Variants in TNIK observed in about 807,000 individuals in gnomAD.
TNIK encodes the protein TRAF2 and NCK-interacting protein kinase.
Under a neutral mutation model 191.3 loss-of-function variants are expected in TNIK, and 49 were observed. The ratio of observed to expected loss-of-function variants is 0.26; its 90% CI spans 0.20 to 0.32. The LOEUF (loss-of-function observed/expected upper bound fraction) is 0.32. Ranked by LOEUF, TNIK falls within the 10% of genes least tolerant of loss-of-function variation. The pLI is 1.00. For missense variants in TNIK, 1,155 were observed against 1,702.3 expected, an observed-to-expected ratio of 0.68 and a Z score of 5.66; for synonymous variants, 594 against 600.9, an observed-to-expected ratio of 0.99 and a Z score of 0.17.
At chr3:171,362,144 C>T (rs978286150) in intron 2 of TNIK, among the ~76,000 whole-genome samples, 2 of 152,156 alleles carry the variant, frequency 1.3e-5, no homozygotes, top group African/African-American at 4.8e-5. Context: ...TTTCACCCCA[C>T]CAAAGTTCCA....
chr3:171,324,910 A>G (rs1460325694), intron 2 of TNIK, among the ~76,000 whole-genome samples: 1 of 151,884 alleles, frequency 6.6e-6, no homozygotes, highest in Non-Finnish European at 1.5e-5. Flanking sequence ...CATCCTGGCT[A>G]ACATGGTGAA....
intron 2 of TNIK, among the ~76,000 whole-genome samples, chr3:171,330,013 C>A (rs184621088): frequency 1.1e-4 from 16 of 152,196 alleles, no homozygotes; most frequent in Non-Finnish European, 1.6e-4. Flanking sequence ...TGAAGGAAAG[C>A]GGTTTTTAAT....
At chr3:171,114,000 A>AG (rs1726291938) in intron 18 of TNIK, among the ~76,000 whole-genome samples, 1 of 7,102 alleles carries the variant, frequency 1.4e-4, no homozygotes, top group African/African-American at 5.4e-4. Flanking sequence ...GATTTTGTTA[A>AG]AAAAAAAAAA....
intron 16 of TNIK, 35 bp from the exon 17 acceptor site, chr3:171,126,186 A>T: frequency 6.6e-7 from 1 of 1,504,810 alleles, no homozygotes; most frequent in East Asian, 2.3e-5. Flanking sequence ...CAGCACTATT[A>T]GAAGAAAAAA....
intron 1 of TNIK, among the ~76,000 whole-genome samples, chr3:171,417,906 G>A (rs931398209): frequency 7.2e-5 from 11 of 152,106 alleles, no homozygotes; most frequent in African/African-American, 1.4e-4. Flanking sequence ...AACAATATAC[G>A]AAGCATCTTT....
At chr3:171,209,717 T>C (rs1740548794) in intron 4 of TNIK, among the ~76,000 whole-genome samples, 1 of 152,328 alleles carries the variant, frequency 6.6e-6, no homozygotes, top group Middle Eastern at 3.4e-3. Flanking sequence ...AATTTTTCTT[T>C]TAAATTTGGA....
chr3:171,347,158 T>C (rs1369090706), intron 2 of TNIK: 1 of 1,521,350 alleles, frequency 6.6e-7, no homozygotes, highest in Non-Finnish European at 8.8e-7. Context: ...GATGATGTCA[T>C]GGGTGACTCC....
chr3:171,069,032 C>G, intron 29 of TNIK, 35 bp from the exon 30 acceptor site: 1 of 1,573,702 alleles, frequency 6.4e-7, no homozygotes, highest in Non-Finnish European at 8.6e-7. Flanking sequence ...CCGCATCACT[C>G]AAAGAGGCAT....
At chr3:171,148,676 A>T (rs1186698903) in intron 12 of TNIK, among the ~76,000 whole-genome samples, 1 of 152,204 alleles carries the variant, frequency 6.6e-6, no homozygotes, top group African/African-American at 2.4e-5. Context: ...ATGCTAACTT[A>T]TACGTAGAAA....
rs112081034 is a variant in TNIK, at chr3:171,454,190, C to G, written c.57+5817G>C. 4.5e-4 allele frequency among the ~76,000 whole-genome samples: 68 copies of G among 152,296 alleles called. 1 individual carries two copies. In the Middle Eastern group the frequency reaches 0.01, roughly 23 times the overall value. ...ATTCTATCAGGAAGGGAATCAGAGA[C>G]TGGTTGTGCTCAGCTGGGCATGGCG... On this transcript the variant is annotated intron_variant, in intron 1 of 32. Coordinates refer to ENST00000436636, the MANE Select transcript of TNIK (RefSeq NM_015028.4).
In TNIK at chr3:171,460,064, G is replaced by A. The variant is rs372769487; in HGVS notation, c.-1C>T. On this transcript the variant is annotated 5_prime_UTR_variant, in exon 1 of 33. Coordinates refer to ENST00000436636, the MANE Select transcript of TNIK (RefSeq NM_015028.4). The surrounding 1 kb of genome is among the most constrained non-coding windows in gnomAD (Gnocchi z 6.8). ...TTCGAGCCGGGGAGTCGCTCGCCAT[G>A]TCTACTTCTTCGCTGGAGAAATGGA... is the stretch of plus-strand genomic sequence containing the variant. 6.2e-7 allele frequency: 1 copy of A among 1,605,992 alleles called. No individual in the cohort carries two copies. The highest frequency in any genetic ancestry group is 8.5e-7 in the Non-Finnish European group (1 of 1,176,310).
chr3:171,106,985 A>T (rs182185474), intron 21 of TNIK, among the ~76,000 whole-genome samples, 198 bp downstream of exon 21: 377 of 152,292 alleles, frequency 2.5e-3, no homozygotes, highest in African/African-American at 8.3e-3. Flanking sequence ...CTTAGAAGGA[A>T]GGTCTCTGAA....
chr3:171,278,063 G>A (rs957088025), intron 2 of TNIK, among the ~76,000 whole-genome samples: 4 of 152,168 alleles, frequency 2.6e-5, no homozygotes, highest in Non-Finnish European at 5.9e-5. Context: ...TTCTAAGTTG[G>A]GGGCTGCCTC....
intron 2 of TNIK, among the ~76,000 whole-genome samples, chr3:171,233,573 AAG>A (rs1156998835): frequency 7.2e-5 from 11 of 152,272 alleles, no homozygotes; most frequent in African/African-American, 2.6e-4. Context: ...CCCTTAGCCA[AAG>A]AGCCACCTCA....
intron 1 of TNIK, among the ~76,000 whole-genome samples, chr3:171,376,768 A>T (rs1717307543): frequency 6.6e-6 from 1 of 152,152 alleles, no homozygotes; most frequent in African/African-American, 2.4e-5. Context: ...AGATAGATAG[A>T]TAGATAGATA....
intron 23 of TNIK, among the ~76,000 whole-genome samples, chr3:171,091,650 G>T (rs953685964): frequency 1.3e-5 from 2 of 151,880 alleles, no homozygotes; most frequent in African/African-American, 2.4e-5. Context: ...CAGGGGAATC[G>T]CCTGAACCCA....
intron 2 of TNIK, among the ~76,000 whole-genome samples, chr3:171,317,056 G>A (rs904528937): frequency 3.3e-5 from 5 of 149,506 alleles, no homozygotes; most frequent in Admixed American, 6.7e-5. Context: ...TTAAAAGATC[G>A]TATCTGAAAA....
At chr3:171,192,618 T>C (rs1288688726) in intron 5 of TNIK, among the ~76,000 whole-genome samples, 2 of 152,218 alleles carry the variant, frequency 1.3e-5, no homozygotes, top group African/African-American at 4.8e-5. Flanking sequence ...TGACTGATCC[T>C]CTGTAGGGTT....
chr3:171,429,166 T>A (rs555130252), intron 1 of TNIK, among the ~76,000 whole-genome samples: 4 of 152,146 alleles, frequency 2.6e-5, no homozygotes, highest in African/African-American at 9.7e-5. Flanking sequence ...AAACACTCCA[T>A]CTTAACCATC....
Sources: allele counts gnomAD v4.1 joint callset (sites outside exome capture counted in the v4.1 genomes callset), GRCh38; gene constraint gnomAD v4.1.1; non-coding constraint Gnocchi (gnomAD v3.1); transcripts MANE v1.5; gene names NCBI Gene and HGNC (gene_info 2026-07-23, HGNC 2026-07-21).